Variants in STING1 observed in about 807,000 individuals in gnomAD.
STING1 encodes the protein stimulator of interferon genes protein.
A neutral mutation model predicts 31.6 loss-of-function variants in STING1; 19 were observed. The ratio of observed to expected loss-of-function variants is 0.60; its 90% CI spans 0.42 to 0.88. The LOEUF is 0.88. STING1 is among the 40% of genes least tolerant of loss of function. The pLI is 0.00. For synonymous variants in STING1, 200 were observed against 208.6 expected (o/e 0.96, Z 0.35); for missense variants, 371 against 483.7 (o/e 0.77, Z 2.19).
In STING1 at chr5:139,476,219, G is replaced by A; in HGVS notation, c.*42C>T. 1.3e-6 allele frequency: 2 copies of A among 1,485,766 alleles called. No homozygotes were observed. Among genetic ancestry groups the A allele is most frequent in the African/African-American group, 1.4e-5 (1 of 71,614 alleles). The allele number at this position is 1,485,766 out of a possible 1,614,324, so 92.0% of individuals were successfully genotyped here. Reference sequence around the variant, plus strand: ...ACTGAAGAGAGCCCCCAGTCCAGAGGCTTGGAGACCACTGGAGGCTCTGGC... The same window carrying A: ...ACTGAAGAGAGCCCCCAGTCCAGAGACTTGGAGACCACTGGAGGCTCTGGC... On this transcript the variant is annotated 3_prime_UTR_variant, in exon 8 of 8. Coordinates refer to ENST00000330794, the MANE Select transcript of STING1 (RefSeq NM_198282.4).
intron 6 of STING1, among the ~76,000 whole-genome samples, chr5:139,477,826 A>G (rs907826307): frequency 2.0e-5 from 3 of 152,202 alleles, no homozygotes. Context: ...GTCTGGGGCT[A>G]GGCTCTGGGT....
rs577198308 is a variant in STING1, at chr5:139,481,367, A to C, written c.228-25T>G. 4.4e-5 allele frequency: 69 copies of C among 1,578,648 alleles called. No homozygotes were observed. The highest frequency in any genetic ancestry group is 1.7e-4 in the Middle Eastern group (1 of 5,888). The stretch of plus-strand genomic sequence containing the variant: ...CCTGTGAGTGACAGCCAGACCCCAG[A>C]CCCCAGCCCCCAGCCCAGCTCAGCC... On this transcript the variant is annotated intron_variant, in intron 3 of 7. Coordinates refer to ENST00000330794, the MANE Select transcript of STING1 (RefSeq NM_198282.4). The surrounding 1 kb of genome is among the most constrained non-coding windows in gnomAD (Gnocchi z 4.1).
chr5:139,481,723 C>T lies in STING1; in HGVS notation c.1-19G>A, dbSNP rs199924470. ...GGGGCATCTGTGGGCACCAAGAAAT[C>T]CATGACCATTCTCCCCTTGCCCTCC... is the stretch of plus-strand genomic sequence containing the variant. On this transcript the variant is annotated intron_variant, in intron 2 of 7. Coordinates refer to ENST00000330794, the MANE Select transcript of STING1 (RefSeq NM_198282.4). This position sits in a 1 kb window ranked among gnomAD's most constrained non-coding sequence, Gnocchi z 4.1. 1 of 1,581,404 alleles carries T rather than the reference C, an allele frequency of 6.3e-7. No homozygotes were observed. Among genetic ancestry groups the T allele is most frequent in the East Asian group, 2.3e-5 (1 of 43,978 alleles).
rs1194110040 is a variant in STING1 at position 139,481,116 on chromosome 5, A to G, written c.411+43T>C. The G allele has an allele frequency of 7.5e-6, 12 of 1,601,246 alleles. No individual in the cohort carries two copies. In the Admixed American group the frequency reaches 1.5e-4, roughly 20 times the overall value. Reference sequence around the variant, plus strand: ...GCTCAGGGCAGGTCACACCAGCCACAGCCACCACTTGGCCAGAGCTTCTAC... The same window carrying G: ...GCTCAGGGCAGGTCACACCAGCCACGGCCACCACTTGGCCAGAGCTTCTAC... On this transcript the variant is annotated intron_variant, in intron 4 of 7. Transcript: ENST00000330794. This position sits in a 1 kb window ranked among gnomAD's most constrained non-coding sequence, Gnocchi z 4.1.
intron 5 of STING1, 66 bp downstream of exon 5, chr5:139,480,724 C>T (rs1751811570): frequency 9.9e-7 from 1 of 1,006,952 alleles, no homozygotes; most frequent in East Asian, 2.4e-5. Context: ...TTTAGAAACA[C>T]AAGAGGCTGT....
rs373903765 is a variant in STING1 at position 139,481,287 on chromosome 5, G to T, written c.283C>A (p.Arg95Ser). The change falls in exon 4 of 8, where the codon CGT (arginine) becomes AGT (serine). Residue 95 changes from arginine to serine, a missense_variant. Arg to Ser is a moderately radical substitution (Grantham distance 110). Coordinates refer to ENST00000330794, the MANE Select transcript of STING1 (RefSeq NM_198282.4). The surrounding 1 kb of genome is among the most constrained non-coding windows in gnomAD (Gnocchi z 4.1). ...ATGGACAGCAGCAACAGGGCCCCACGGCGGAGGGGGCAGCCCAGGCAGGCC... is the reference window on the plus strand; with the variant it reads ...ATGGACAGCAGCAACAGGGCCCCACTGCGGAGGGGGCAGCCCAGGCAGGCC... ...VRACLGCPLR[R>S]GALLLLSIYF... 1 of 1,612,770 alleles carries T rather than the reference G, an allele frequency of 6.2e-7. No individual in the cohort carries two copies. Among genetic ancestry groups the T allele is most frequent in the Admixed American group, 1.7e-5 (1 of 59,906 alleles).
In STING1 at chr5:139,478,278, C is replaced by T. The variant is rs1409697347; in HGVS notation, c.751G>A (p.Gly251Arg). Residue 251 changes from glycine (G) to arginine (R), a missense_variant, in exon 6 of 8, where the codon GGG becomes AGG. Physicochemically the swap from Gly to Arg is moderately radical, Grantham distance 125 (BLOSUM62 -2). Transcript: ENST00000330794. ...SNSIYELLEN[G>R]QRAGTCVLEY... ...CTCCCCTGCACACTTACCCGCTGCC[C>T]GTTCTCCAGAAGCTCATAGATGCTG... is the stretch of plus-strand genomic sequence containing the variant. The T allele has an allele frequency of 6.8e-6, 11 of 1,612,618 alleles. No individual in the cohort carries two copies. Among genetic ancestry groups the T allele is most frequent in the African/African-American group, 2.7e-5 (2 of 74,886 alleles).
rs1751824615 is a variant in STING1, at chr5:139,481,074, C to T, written c.411+85G>A. ...CATGGACTCCAGCCTTTAAACCAGTCCCACTCCCAGTACTCAGCTCAGGGC... is the reference window on the plus strand; with the variant it reads ...CATGGACTCCAGCCTTTAAACCAGTTCCACTCCCAGTACTCAGCTCAGGGC... On this transcript the variant is annotated intron_variant, in intron 4 of 7. Coordinates refer to ENST00000330794, the MANE Select transcript of STING1 (RefSeq NM_198282.4). The surrounding 1 kb of genome is among the most constrained non-coding windows in gnomAD (Gnocchi z 4.1). 7.0e-7 allele frequency: 1 copy of T among 1,419,044 alleles called. No individual in the cohort carries two copies. Among genetic ancestry groups the T allele is most frequent in the Admixed American group, 1.7e-5 (1 of 58,872 alleles). The allele number at this position is 1,419,044 out of a possible 1,614,324, so 87.9% of individuals were successfully genotyped here.
intron 5 of STING1, chr5:139,478,796 T>A: frequency 5.1e-6 from 2 of 391,428 alleles, no homozygotes; most frequent in East Asian, 9.6e-5. Context: ...GGCAGAGCCC[T>A]GAGAGGTGAC....
chr5:139,481,473 G>GT lies in STING1; in HGVS notation c.227+4dup, dbSNP rs1182456153. On this transcript the variant is annotated splice_donor_region_variant and intron_variant, in intron 3 of 7. Coordinates refer to ENST00000330794, the MANE Select transcript of STING1 (RefSeq NM_198282.4). This position sits in a 1 kb window ranked among gnomAD's most constrained non-coding sequence, Gnocchi z 4.1. ...ACCCCGTCCCTGGGTACTGCAGTGAGTCACCTGGAGTGGATGTGGCGCAGC... is the reference window on the plus strand; with the variant it reads ...ACCCCGTCCCTGGGTACTGCAGTGAGTTCACCTGGAGTGGATGTGGCGCAGC... 8 of 1,612,958 alleles carry GT rather than the reference G, an allele frequency of 5.0e-6. No individual in the cohort carries two copies. The highest frequency in any genetic ancestry group is 1.3e-5 in the African/African-American group (1 of 74,908).
chr5:139,476,114 C>T lies in STING1; in HGVS notation c.*147G>A, dbSNP rs1005274355. ...AAATGACTGGCCCAAGGGGACAAGA[C>T]GCATCTTAAGATGTCAAGTCCTGGA... On this transcript the variant is annotated 3_prime_UTR_variant, in exon 8 of 8. Transcript: ENST00000330794. 2.4e-5 allele frequency: 15 copies of T among 624,890 alleles called. No homozygotes were observed. The highest frequency in any genetic ancestry group is 8.9e-5 in the Admixed American group (3 of 33,868). 38.7% of individuals were successfully genotyped at this position (624,890 alleles called of 1,614,324 possible). A position where few individuals can be genotyped will look rare whatever the true frequency, so the allele number is the denominator to read the frequency against.
In STING1 at chr5:139,481,353, C is replaced by G. The variant is rs1192564875; in HGVS notation, c.228-11G>C. On this transcript the variant is annotated splice_polypyrimidine_tract_variant and intron_variant, in intron 3 of 7. Transcript: ENST00000330794. The surrounding 1 kb of genome is among the most constrained non-coding windows in gnomAD (Gnocchi z 4.1). ...TAGCTGCCCCGGTACCTGTGAGTGA[C>G]AGCCAGACCCCAGACCCCAGCCCCC... 1 of 1,584,034 alleles carries G rather than the reference C, an allele frequency of 6.3e-7. No individual in the cohort carries two copies. The highest frequency in any genetic ancestry group is 8.6e-7 in the Non-Finnish European group (1 of 1,163,812).
chr5:139,481,493 C>T lies in STING1; in HGVS notation c.212G>A (p.Arg71His), dbSNP rs11554776. Residue 71 changes from arginine (R) to histidine (H), a missense_variant, in exon 3 of 8, where the codon CGC (arginine) becomes CAC (histidine). Physicochemically the swap from Arg to His is conservative, Grantham distance 29 (BLOSUM62 0). Coordinates refer to ENST00000330794, the MANE Select transcript of STING1 (RefSeq NM_198282.4). This position sits in a 1 kb window ranked among gnomAD's most constrained non-coding sequence, Gnocchi z 4.1. ...AGTGAGTCACCTGGAGTGGATGTGG[C>T]GCAGCTCCTCAGCCAGGCTGCAGAC... is the stretch of plus-strand genomic sequence containing the variant. ...NGVCSLAEEL[R>H]HIHSRYRGSY... 242,217 of 1,613,470 alleles carry T rather than the reference C, an allele frequency of 0.15. 22,403 individuals are homozygous for T. Among genetic ancestry groups the T allele is most frequent in the East Asian group, 0.43 (19,243 of 44,850 alleles).
chr5:139,477,365 C>G lies in STING1; in HGVS notation c.910G>C (p.Glu304Gln). Residue 304 changes from glutamate to glutamine, a missense_variant, in exon 7 of 8, where the codon GAG (glutamate) becomes CAG (glutamine). Glu to Gln is a conservative substitution (Grantham distance 29). Transcript: ENST00000330794. ...ATGAGGCGGCAGTTGTTCTGAGACT[C>G]AGGGGCATCTGCCAGGATGTCCTCA... ...TLEDILADAP[E>Q]SQNNCRLIAY... 3 of 1,614,156 alleles carry G rather than the reference C, an allele frequency of 1.9e-6. No individual in the cohort carries two copies. Among genetic ancestry groups the G allele is most frequent in the Non-Finnish European group, 1.7e-6 (2 of 1,180,020 alleles).
In STING1 at chr5:139,481,674, G is replaced by A; in HGVS notation, c.31C>T (p.Pro11Ser). 1 of 1,608,766 alleles carries A rather than the reference G, an allele frequency of 6.2e-7. No homozygotes were observed. The highest frequency in any genetic ancestry group is 8.5e-7 in the Non-Finnish European group (1 of 1,176,374). ...TGGGCCCCGTGACCCCTGGGACACGGGATGGATGGATGCAGGCTGGAGTGG... is the reference window on the plus strand; with the variant it reads ...TGGGCCCCGTGACCCCTGGGACACGAGATGGATGGATGCAGGCTGGAGTGG... MPHSSLHPSI[P>S]CPRGHGAQKA... Residue 11 changes from proline to serine, a missense_variant, in exon 3 of 8, where the codon CCG (proline) becomes TCG (serine). By Grantham distance (74) the Pro-to-Ser change is moderately conservative. Transcript: ENST00000330794. The surrounding 1 kb of genome is among the most constrained non-coding windows in gnomAD (Gnocchi z 4.1).
chr5:139,476,647 C>T (rs1751669180), intron 7 of STING1, among the ~76,000 whole-genome samples, 193 bp from the exon 8 acceptor site: 1 of 152,146 alleles, frequency 6.6e-6, no homozygotes, highest in African/African-American at 2.4e-5. Flanking sequence ...TGGCTCACGC[C>T]TGTAATCCTA....
rs552043431 is a variant in STING1, at chr5:139,481,135, C to T, written c.411+24G>A. The T allele has an allele frequency of 6.2e-7, 1 of 1,612,990 alleles. No homozygotes were observed. Among genetic ancestry groups the T allele is most frequent in the African/African-American group, 1.3e-5 (1 of 75,046 alleles). ...AGCCACAGCCACCACTTGGCCAGAG[C>T]TTCTACCTCCCCCTGTGTCATACCT... On this transcript the variant is annotated intron_variant, in intron 4 of 7. Transcript: ENST00000330794. This position sits in a 1 kb window ranked among gnomAD's most constrained non-coding sequence, Gnocchi z 4.1.
Position 139,481,677 on chromosome 5 carries a change from T to G in STING1, c.28A>C (p.Ile10Leu). 1 of 1,608,610 alleles carries G rather than the reference T, an allele frequency of 6.2e-7. No homozygotes were observed. Residue 10 changes from isoleucine to leucine, a missense_variant, in exon 3 of 8, where the codon ATC becomes CTC. Coordinates refer to ENST00000330794, the MANE Select transcript of STING1 (RefSeq NM_198282.4). The surrounding 1 kb of genome is among the most constrained non-coding windows in gnomAD (Gnocchi z 4.1). Reference protein sequence around the residue: MPHSSLHPSIPCPRGHGAQK... With the variant: MPHSSLHPSLPCPRGHGAQK... ...GCCCCGTGACCCCTGGGACACGGGA[T>G]GGATGGATGCAGGCTGGAGTGGGGC...
At chr5:139,476,527 G>T (rs911306443) in intron 7 of STING1, 73 bp from the exon 8 acceptor site, 200 of 1,417,950 alleles carry the variant, frequency 1.4e-4, no homozygotes, top group Non-Finnish European at 1.9e-4. Context: ...TAGAGAACTT[G>T]CTGGGAAGAT....
Sources: gnomAD v4.1 joint callset for allele counts (sites outside exome capture counted in the v4.1 genomes callset) on GRCh38, gnomAD v4.1.1 for gene constraint, Gnocchi (gnomAD v3.1) non-coding constraint, MANE v1.5 for transcripts, NCBI Gene and HGNC (gene_info 2026-07-23, HGNC 2026-07-21) for gene names.